Variants in PAK6 observed in about 807,000 individuals in gnomAD.
PAK6 encodes p21 (RAC1) activated kinase 6.
A neutral mutation model predicts 60.8 loss-of-function variants in PAK6; 33 were observed. The observed-to-expected ratio is 0.54, with a 90% CI of 0.41 to 0.73. PAK6 has a LOEUF of 0.73. Ranked by LOEUF, PAK6 falls within the 30% of genes least tolerant of loss-of-function variation. The pLI is 0.00. For missense variants in PAK6, 845 were observed against 904.1 expected, an observed-to-expected ratio of 0.93 and a Z score of 0.84; for synonymous variants, 404 against 378.5, an observed-to-expected ratio of 1.07 and a Z score of -0.78.
In PAK6 at chr15:40,263,707, T is replaced by TCCC; in HGVS notation, c.-5-1074_-5-1073insCCC. Reference sequence around the variant, plus strand: ...TCAGCTCACTGCAGCCTCAGCCTCCTGGGTTCAAGCGATTCTCCTCCCTCA... The same window carrying TCCC: ...TCAGCTCACTGCAGCCTCAGCCTCCTCCCGGGTTCAAGCGATTCTCCTCCCTCA... On this transcript the variant is annotated intron_variant, in intron 3 of 10. Coordinates refer to ENST00000560346, the Ensembl canonical transcript of PAK6. The TCCC allele has an allele frequency of 1.5e-5, 5 of 327,858 alleles. No homozygotes were observed. In the East Asian group the frequency reaches 3.2e-4, roughly 21 times the overall value. The allele number at this position is 327,858 out of a possible 1,614,324, so 20.3% of individuals were successfully genotyped here.
intron 5 of PAK6, among the ~76,000 whole-genome samples, chr15:40,271,394 C>A (rs893892503): frequency 6.6e-6 from 1 of 152,092 alleles, no homozygotes; most frequent in South Asian, 2.1e-4. Context: ...TGAGGATAGG[C>A]CCCCTACCTT....
intron 3 of PAK6, among the ~76,000 whole-genome samples, chr15:40,263,241 G>C (rs2039030280): frequency 6.6e-6 from 1 of 152,184 alleles, no homozygotes; most frequent in South Asian, 2.1e-4. Flanking sequence ...CAGATCTTCG[G>C]GCGGATGAGT....
intron 2 of PAK6, chr15:40,252,433 A>G: frequency 7.4e-7 from 1 of 1,357,924 alleles, no homozygotes. Context: ...AGAGTTGAGC[A>G]GCACGGCGCC....
chr15:40,272,937 G>A, exon 7 of PAK6: 1 of 1,614,098 alleles, frequency 6.2e-7, no homozygotes, highest in Non-Finnish European at 8.5e-7. Flanking sequence ...TGGGCGAGGA[G>A]CTGTGGGTGC....
At chr15:40,252,939 G>A (rs2038727700) in intron 2 of PAK6, 3 of 979,536 alleles carry the variant, frequency 3.1e-6, no homozygotes, top group Non-Finnish European at 3.9e-6. Flanking sequence ...GGGGCCGGGT[G>A]GCCGCGCCGG....
chr15:40,275,282 T>TTTTTTTTTTTTTGTTTG (rs2039423130), intron 10 of PAK6, among the ~76,000 whole-genome samples: 5 of 95,124 alleles, frequency 5.3e-5, no homozygotes, highest in Non-Finnish European at 8.3e-5. Flanking sequence ...TGTTGTTGGT[T>TTTTTTTTTTTTTGTTTG]TTTTTTTTTT....
chr15:40,268,322 C>T (rs2039204083), intron 5 of PAK6, among the ~76,000 whole-genome samples: 1 of 152,176 alleles, frequency 6.6e-6, no homozygotes, highest in South Asian at 2.1e-4. Flanking sequence ...GGTGGGCTCT[C>T]CTTGCACTGT....
rs201017672 is a variant in PAK6, at chr15:40,266,061, G to A, written c.424G>A (p.Gly142Ser). 84 of 1,609,808 alleles carry A rather than the reference G, an allele frequency of 5.2e-5. No homozygotes were observed. The highest frequency in any genetic ancestry group is 6.4e-5 in the Non-Finnish European group (76 of 1,178,996). The stretch of plus-strand genomic sequence containing the variant: ...CCAGTCTGAGCGCACTGACCCCCAC[G>A]GCCTCTACCTCAGCTGCAACGGGGG... The change falls in exon 5 of 11, where the codon GGC becomes AGC. Residue 142 changes from glycine (G) to serine (S), a missense_variant. Gly to Ser is a moderately conservative substitution (Grantham distance 56). Transcript: ENST00000560346.
At position 40,266,144 on chromosome 15, in the gene PAK6, G is replaced by T. The variant is rs774206096; in HGVS notation, c.507G>T (p.Leu169=). ...CCGAGCCACAGAGCCCACGGGTCCT[G>T]CCCAATGGGCTGGCTGCAAAGGCAC... Residue 169 remains leucine (L), a synonymous_variant, in exon 5 of 11, where the codon CTG becomes CTT. Coordinates refer to ENST00000560346, the Ensembl canonical transcript of PAK6. The T allele has an allele frequency of 1.5e-5, 24 of 1,609,434 alleles. No homozygotes were observed. In the South Asian group the frequency reaches 2.5e-4, roughly 17 times the overall value.
At position 40,252,205 on chromosome 15, in the gene PAK6, A is replaced by G. The variant is rs1167876615; in HGVS notation, c.-117-973A>G. ...GTGGGTGGGCACACGCGGCCCGCTC[A>G]GGTCCGGGAGAGTCGGCCCGCGGCT... On this transcript the variant is annotated intron_variant, in intron 2 of 10. Coordinates refer to ENST00000560346, the Ensembl canonical transcript of PAK6. 6 of 1,115,548 alleles carry G rather than the reference A, an allele frequency of 5.4e-6. No individual in the cohort carries two copies. The South Asian group carries it at 6.3e-5, about 12-fold the overall frequency. 69.1% of individuals were successfully genotyped at this position (1,115,548 alleles called of 1,614,324 possible). A position where few individuals can be genotyped will look rare whatever the true frequency, so the allele number is the denominator to read the frequency against.
chr15:40,252,613 C>T (rs748442071), intron 2 of PAK6: 4 of 1,346,602 alleles, frequency 3.0e-6, no homozygotes, highest in Admixed American at 2.0e-5. Flanking sequence ...TCGGCGTTCC[C>T]GCGCCGAGGT....
intron 4 of PAK6, among the ~76,000 whole-genome samples, chr15:40,265,282 G>A (rs112517205): frequency 3.8e-4 from 58 of 152,338 alleles, no homozygotes; most frequent in Middle Eastern, 3.4e-3. Context: ...CTTTTAGGAC[G>A]TGTCCCATTC....
chr15:40,265,738 C>G (rs2039107869), intron 4 of PAK6, 104 bp from the exon 5 acceptor site: 6 of 1,064,196 alleles, frequency 5.6e-6, no homozygotes, highest in Non-Finnish European at 7.9e-6. Flanking sequence ...CTTAGGTGGT[C>G]CTCCCCAGGG....
At chr15:40,276,414 G>GT (rs1394577425) in exon 11 of PAK6, 4 of 292,668 alleles carry the variant, frequency 1.4e-5, no homozygotes, top group African/African-American at 4.3e-5. Flanking sequence ...GGCTGCTGTG[G>GT]TTTTTTAAAG....
intron 5 of PAK6, among the ~76,000 whole-genome samples, chr15:40,270,370 G>A (rs1190841449): frequency 1.3e-5 from 2 of 152,224 alleles, no homozygotes; most frequent in Admixed American, 1.3e-4. Context: ...CTAGGACCCA[G>A]GGACCTTGTT....
chr15:40,270,522 C>T (rs974874120), intron 5 of PAK6, among the ~76,000 whole-genome samples: 3 of 152,212 alleles, frequency 2.0e-5, no homozygotes, highest in Admixed American at 2.0e-4. Context: ...GCCTAAGGCT[C>T]ATCACAGGGC....
At chr15:40,273,261 C>A in intron 7 of PAK6, 85 bp from the exon 8 acceptor site, 3 of 1,495,842 alleles carry the variant, frequency 2.0e-6, no homozygotes, top group Non-Finnish European at 2.7e-6. Flanking sequence ...GGCCTAGCAC[C>A]AGGGACTCCT....
intron 2 of PAK6, among the ~76,000 whole-genome samples, chr15:40,249,385 C>G (rs1467502641): frequency 6.6e-6 from 1 of 152,170 alleles, no homozygotes; most frequent in African/African-American, 2.4e-5. Context: ...CCACTCCGAG[C>G]CTCAGTTTCC....
chr15:40,252,608 G>A (rs2140955781), intron 2 of PAK6: 9 of 1,349,518 alleles, frequency 6.7e-6, no homozygotes, highest in Non-Finnish European at 8.8e-6. Context: ...CCTCCTCGGC[G>A]TTCCCGCGCC....
Sources: allele counts gnomAD v4.1 joint callset (sites outside exome capture counted in the v4.1 genomes callset), GRCh38; gene constraint gnomAD v4.1.1; transcripts MANE v1.5; gene names NCBI Gene and HGNC (gene_info 2026-07-23, HGNC 2026-07-21).